Variants in DHRS3 observed in about 807,000 individuals in gnomAD.
DHRS3 encodes the protein dehydrogenase/reductase 3.
A neutral mutation model predicts 27.2 loss-of-function variants in DHRS3; 14 were observed. That is an observed-to-expected ratio of 0.52 (90% confidence interval 0.34 to 0.81). DHRS3 has a LOEUF of 0.81. DHRS3 is among the 30% of genes least tolerant of loss of function. The probability of loss-of-function intolerance (pLI) is 0.01; values close to 1 mark genes in which losing one functional copy is unlikely to be tolerated. For missense variants in DHRS3, 322 were observed against 406.2 expected (o/e 0.79, Z 1.78); for synonymous variants, 165 against 175.9 (o/e 0.94, Z 0.49).
intron 1 of DHRS3, among the ~76,000 whole-genome samples, chr1:12,590,462 C>T (rs906935016): frequency 1.3e-5 from 2 of 152,130 alleles, no homozygotes; most frequent in African/African-American, 4.8e-5. Flanking sequence ...AGGCATGCGC[C>T]ACCACGCCCG....
intron 1 of DHRS3, among the ~76,000 whole-genome samples, chr1:12,613,889 C>A (rs1261696364): frequency 2.0e-5 from 3 of 152,174 alleles, no homozygotes; most frequent in Non-Finnish European, 2.9e-5. Context: ...CCTGCCTCAG[C>A]CTCCCGAGTA....
At chr1:12,597,041 C>A (rs1050839725) in intron 1 of DHRS3, among the ~76,000 whole-genome samples, 1 of 152,122 alleles carries the variant, frequency 6.6e-6, no homozygotes, top group Non-Finnish European at 1.5e-5. Context: ...TAATGATCAC[C>A]CTGCCTTGTG....
At chr1:12,585,381 GTGTC>G (rs1344401177) in intron 1 of DHRS3, among the ~76,000 whole-genome samples, 1 of 98,464 alleles carries the variant, frequency 1.0e-5, no homozygotes. Flanking sequence ...GTGTGAGTGT[GTGTC>G]TGTGTGTGAC....
rs1253908587 is a variant in DHRS3, at chr1:12,592,140, C to T, written c.196-11474G>A. 6.6e-6 allele frequency among the ~76,000 whole-genome samples: 1 copy of T among 152,158 alleles called. No homozygotes were observed. Among genetic ancestry groups the T allele is most frequent in the Non-Finnish European group, 1.5e-5 (1 of 68,026 alleles). On this transcript the variant is annotated intron_variant, in intron 1 of 5. Coordinates refer to ENST00000616661, the MANE Select transcript of DHRS3 (RefSeq NM_004753.7). The surrounding 1 kb of genome is among the most constrained non-coding windows in gnomAD (Gnocchi z 4.2). Reference sequence around the variant, plus strand: ...GGGCGGGGTGGGACTGTGACAAGCACTCACCGCCACCACAGTGAACAATCT... The same window carrying T: ...GGGCGGGGTGGGACTGTGACAAGCATTCACCGCCACCACAGTGAACAATCT...
chr1:12,587,238 GC>G (rs1646704597), intron 1 of DHRS3, among the ~76,000 whole-genome samples: 7 of 151,666 alleles, frequency 4.6e-5, no homozygotes, highest in Admixed American at 4.6e-4. Context: ...CATTTCCTGG[GC>G]TCAGGTGATC....
At position 12,605,078 on chromosome 1, in the gene DHRS3, C is replaced by CAAA. The variant is rs36031555; in HGVS notation, c.195+12073_195+12075dup. Among the ~76,000 whole-genome samples, 82 of 98,336 alleles carry CAAA rather than the reference C, an allele frequency of 8.3e-4. 2 individuals are homozygous for CAAA. Among genetic ancestry groups the CAAA allele is most frequent in the African/African-American group, 2.8e-3 (70 of 24,644 alleles). 64.5% of individuals were successfully genotyped at this position (98,336 alleles called of 152,430 possible). A position where few individuals can be genotyped will look rare whatever the true frequency, so the allele number is the denominator to read the frequency against. On this transcript the variant is annotated intron_variant, in intron 1 of 5. Coordinates refer to ENST00000616661, the MANE Select transcript of DHRS3 (RefSeq NM_004753.7). ...CTGCGCGACTGGCAAAACTCCATCTCAAAAAAAAAAAAAAAAAAAGGTCAA... is the reference window on the plus strand; with the variant it reads ...CTGCGCGACTGGCAAAACTCCATCTCAAAAAAAAAAAAAAAAAAAAAAGGTCAA...
In DHRS3 at chr1:12,616,623, C is replaced by T. The variant is rs1570407942; in HGVS notation, c.195+531G>A. On this transcript the variant is annotated intron_variant, in intron 1 of 5. Coordinates refer to ENST00000616661, the MANE Select transcript of DHRS3 (RefSeq NM_004753.7). ...TCTCAGTGTCGGTCCGGCCAGACTA[C>T]TGCATACAAGACCGCTCTTCCCTTT... 4 of 989,210 alleles carry T rather than the reference C, an allele frequency of 4.0e-6. No homozygotes were observed. In the African/African-American group the frequency reaches 7.0e-5, roughly 17 times the overall value. The allele number at this position is 989,210 out of a possible 1,614,324, so 61.3% of individuals were successfully genotyped here. A position where few individuals can be genotyped will look rare whatever the true frequency, so the allele number is the denominator to read the frequency against.
intron 1 of DHRS3, among the ~76,000 whole-genome samples, chr1:12,605,769 C>T (rs1435205671): frequency 6.6e-6 from 1 of 152,136 alleles, no homozygotes; most frequent in Admixed American, 6.5e-5. Context: ...ATCAAATTTA[C>T]AGTGAAGCTT....
chr1:12,570,855 C>A (rs1018800468), intron 5 of DHRS3, among the ~76,000 whole-genome samples: 5 of 152,240 alleles, frequency 3.3e-5, no homozygotes, highest in African/African-American at 1.2e-4. Context: ...TGGGTGCCCC[C>A]TTCCCTGTGC....
In DHRS3 at chr1:12,574,913, A is replaced by G. The variant is rs1441974016; in HGVS notation, c.699-2060T>C. On this transcript the variant is annotated intron_variant, in intron 4 of 5. Transcript: ENST00000616661. This position sits in a 1 kb window ranked among gnomAD's most constrained non-coding sequence, Gnocchi z 4.6. ...AGGTAACTTTGCTTCTCTGAGCCTC[A>G]GTTCCCTCATCTGTAAAATGGGAAT... 6.6e-6 allele frequency among the ~76,000 whole-genome samples: 1 copy of G among 152,148 alleles called. No individual in the cohort carries two copies. Among genetic ancestry groups the G allele is most frequent in the Non-Finnish European group, 1.5e-5 (1 of 68,024 alleles).
chr1:12,581,547 C>T (rs1175108725), intron 1 of DHRS3, among the ~76,000 whole-genome samples: 3 of 152,146 alleles, frequency 2.0e-5, no homozygotes, highest in African/African-American at 4.8e-5. Context: ...AGGTAACAAA[C>T]ATGGACTCAT....
Position 12,608,439 on chromosome 1 carries a change from A to G in DHRS3, c.195+8715T>C, listed in dbSNP as rs548038667. Among the ~76,000 whole-genome samples the G allele has an allele frequency of 1.3e-5, 2 of 152,228 alleles. No individual in the cohort carries two copies. The highest frequency in any genetic ancestry group is 1.3e-4 in the Admixed American group (2 of 15,300). ...CCTCCCTGCTCCCCAGCACCCTGGA[A>G]AGCCTGGACAAAGGAATGACATCAC... On this transcript the variant is annotated intron_variant, in intron 1 of 5. Transcript: ENST00000616661. The surrounding 1 kb of genome is among the most constrained non-coding windows in gnomAD (Gnocchi z 4.1).
chr1:12,600,205 G>T (rs1220342769), intron 1 of DHRS3, among the ~76,000 whole-genome samples: 2 of 152,058 alleles, frequency 1.3e-5, no homozygotes, highest in South Asian at 4.2e-4. Flanking sequence ...ACATCTGTGT[G>T]TGTGTGTGTG....
intron 4 of DHRS3, among the ~76,000 whole-genome samples, chr1:12,576,126 G>A (rs1376525630): frequency 6.6e-6 from 1 of 152,132 alleles, no homozygotes; most frequent in Admixed American, 6.5e-5. Flanking sequence ...TTGGGTTCAC[G>A]CTCTGAAAAA....
chr1:12,582,871 A>C (rs1466684611), intron 1 of DHRS3, among the ~76,000 whole-genome samples: 28 of 148,620 alleles, frequency 1.9e-4, no homozygotes, highest in South Asian at 4.3e-4. Context: ...CCATCCATCC[A>C]TCCCTCCCTC....
rs1213609387 is a variant in DHRS3 at position 12,591,099 on chromosome 1, C to G, written c.196-10433G>C. On this transcript the variant is annotated intron_variant, in intron 1 of 5. Coordinates refer to ENST00000616661, the MANE Select transcript of DHRS3 (RefSeq NM_004753.7). The surrounding 1 kb of genome is among the most constrained non-coding windows in gnomAD (Gnocchi z 4.1). ...GTTTTCCAGGCAACCATTACCCCAG[C>G]AGGGTTCTGGATCTTCCATCAGCAA... Among the ~76,000 whole-genome samples the G allele has an allele frequency of 6.6e-6, 1 of 152,222 alleles. No individual in the cohort carries two copies. Among genetic ancestry groups the G allele is most frequent in the Non-Finnish European group, 1.5e-5 (1 of 68,040 alleles).
At chr1:12,616,662 A>C (rs1646946595) in intron 1 of DHRS3, 1 of 995,290 alleles carries the variant, frequency 1.0e-6, no homozygotes, top group East Asian at 1.1e-4. Context: ...AACCCAAACC[A>C]AGTACCCTCT....
chr1:12,603,071 C>T (rs1359153047), intron 1 of DHRS3, among the ~76,000 whole-genome samples: 5 of 152,244 alleles, frequency 3.3e-5, no homozygotes, highest in Admixed American at 1.3e-4. Context: ...GTCTCAGCCC[C>T]GCTTGGGCAT....
intron 5 of DHRS3, among the ~76,000 whole-genome samples, chr1:12,569,231 TCACACACACACA>T (rs57427000): frequency 1.8e-5 from 2 of 110,584 alleles, no homozygotes; most frequent in Non-Finnish European, 4.6e-5. Flanking sequence ...TCTCTCTCTC[TCACACACACACA>T]CACACACACA....
Sources: gnomAD v4.1 joint callset for allele counts (sites outside exome capture counted in the v4.1 genomes callset) on GRCh38, gnomAD v4.1.1 for gene constraint, Gnocchi (gnomAD v3.1) non-coding constraint, MANE v1.5 for transcripts, NCBI Gene and HGNC (gene_info 2026-07-23, HGNC 2026-07-21) for gene names.